Variants in GPC5 observed in about 807,000 individuals in gnomAD.
GPC5 encodes glypican 5.
In GPC5, 47 loss-of-function variants were observed where a neutral mutation model predicts 53.9. The observed-to-expected ratio is 0.87, with a 90% CI of 0.69 to 1.11. The LOEUF (loss-of-function observed/expected upper bound fraction) is 1.11, where lower values mean the gene tolerates loss of function less well. Among genes scored for constraint, GPC5 ranks in the 50% most tolerant of loss-of-function variants. GPC5 has a pLI of 0.00. For missense variants in GPC5, 748 were observed against 713.1 expected (o/e 1.05, Z -0.56); for synonymous variants, 286 against 263.3 (o/e 1.09, Z -0.84).
At chr13:92,591,972 G>T (rs1288541609) in intron 7 of GPC5, among the ~76,000 whole-genome samples, 1 of 152,152 alleles carries the variant, frequency 6.6e-6, no homozygotes, top group Non-Finnish European at 1.5e-5. Flanking sequence ...CCAGCTGAGG[G>T]TCACTTTTCC....
intron 7 of GPC5, among the ~76,000 whole-genome samples, chr13:92,422,488 T>TCACACACACACACACACA (rs6145177): frequency 7.5e-6 from 1 of 133,314 alleles, no homozygotes; most frequent in Non-Finnish European, 1.6e-5. Context: ...CATCACCATC[T>TCACACACACACACACACA]CACACACACA....
At chr13:92,699,786 T>C (rs1887670740) in intron 7 of GPC5, among the ~76,000 whole-genome samples, 1 of 152,208 alleles carries the variant, frequency 6.6e-6, no homozygotes. Context: ...CACTGTGGTC[T>C]GATAGACAGT....
intron 6 of GPC5, among the ~76,000 whole-genome samples, chr13:92,113,282 C>T (rs886790373): frequency 6.6e-6 from 1 of 152,064 alleles, no homozygotes; most frequent in Non-Finnish European, 1.5e-5. Flanking sequence ...GTGTTATCTA[C>T]CATCAAGGTT....
chr13:92,076,282 G>A (rs1294767415), intron 6 of GPC5, among the ~76,000 whole-genome samples: 25 of 151,874 alleles, frequency 1.6e-4, no homozygotes, highest in South Asian at 6.2e-4. Context: ...GGGTTTCACC[G>A]TGTTAGCCAG....
At chr13:91,512,267 A>G (rs1885270840) in intron 2 of GPC5, among the ~76,000 whole-genome samples, 1 of 152,194 alleles carries the variant, frequency 6.6e-6, no homozygotes, top group Non-Finnish European at 1.5e-5. Context: ...TATTTGGAGA[A>G]CTTGGAAGTT....
At chr13:91,548,057 A>G (rs919119232) in intron 2 of GPC5, among the ~76,000 whole-genome samples, 4 of 152,162 alleles carry the variant, frequency 2.6e-5, no homozygotes, top group Non-Finnish European at 4.4e-5. Context: ...GATCAGGAGC[A>G]AAGCAATTAT....
chr13:92,406,516 T>C (rs1173756480), intron 7 of GPC5, among the ~76,000 whole-genome samples: 1 of 152,178 alleles, frequency 6.6e-6, no homozygotes, highest in Admixed American at 6.5e-5. Context: ...TTCATGAAGA[T>C]TTTTCTGTAC....
intron 2 of GPC5, among the ~76,000 whole-genome samples, chr13:91,626,530 G>A (rs1453292266): frequency 6.6e-6 from 1 of 152,082 alleles, no homozygotes; most frequent in Non-Finnish European, 1.5e-5. Context: ...TATATTATGG[G>A]AGCCCCATGT....
At chr13:92,331,386 T>A (rs984431802) in intron 7 of GPC5, among the ~76,000 whole-genome samples, 1 of 152,178 alleles carries the variant, frequency 6.6e-6, no homozygotes, top group Non-Finnish European at 1.5e-5. Flanking sequence ...TCTGGATCCT[T>A]TGTCACATAA....
At chr13:91,520,656 A>ATG (rs1306963674) in intron 2 of GPC5, among the ~76,000 whole-genome samples, 2 of 152,006 alleles carry the variant, frequency 1.3e-5, no homozygotes, top group East Asian at 1.9e-4. Flanking sequence ...ATATATATAT[A>ATG]TGTGTGGGTA....
At chr13:92,083,353 T>C (rs2041311414) in intron 6 of GPC5, among the ~76,000 whole-genome samples, 2 of 151,964 alleles carry the variant, frequency 1.3e-5, no homozygotes, top group Admixed American at 6.6e-5. Context: ...GGGGGAGTGG[T>C]AGGTAAAGAT....
intron 4 of GPC5, among the ~76,000 whole-genome samples, chr13:91,739,321 T>C (rs1385492906): frequency 6.6e-6 from 1 of 151,394 alleles, no homozygotes; most frequent in Non-Finnish European, 1.5e-5. Flanking sequence ...GTGTTCCAAC[T>C]CATAGCTGCT....
At chr13:91,626,794 T>C (rs2034014996) in intron 2 of GPC5, among the ~76,000 whole-genome samples, 1 of 152,080 alleles carries the variant, frequency 6.6e-6, no homozygotes, top group South Asian at 2.1e-4. Context: ...ACATTAGGTA[T>C]ATCTCCTAAT....
chr13:91,950,558 C>A (rs1247301428), intron 6 of GPC5, among the ~76,000 whole-genome samples: 2 of 152,074 alleles, frequency 1.3e-5, no homozygotes, highest in Admixed American at 1.3e-4. Flanking sequence ...TTGGACATAT[C>A]CCTAATATTT....
intron 6 of GPC5, among the ~76,000 whole-genome samples, chr13:92,038,564 A>G (rs1004875594): frequency 2.0e-5 from 3 of 149,928 alleles, no homozygotes; most frequent in Non-Finnish European, 3.0e-5. Context: ...TATACTATAT[A>G]TATTCATTAC....
chr13:91,673,998 A>C (rs1386725962), intron 2 of GPC5, among the ~76,000 whole-genome samples: 3 of 152,198 alleles, frequency 2.0e-5, no homozygotes, highest in Non-Finnish European at 2.9e-5. Flanking sequence ...TCCCAGACTA[A>C]TATTTCTTTG....
intron 2 of GPC5, among the ~76,000 whole-genome samples, chr13:91,560,302 G>A (rs915504429): frequency 3.3e-5 from 5 of 152,128 alleles, no homozygotes; most frequent in Admixed American, 6.6e-5. Context: ...AAATACATTG[G>A]TGAGGATAGT....
chr13:91,616,432 G>C (rs908128773), intron 2 of GPC5, among the ~76,000 whole-genome samples: 1 of 151,984 alleles, frequency 6.6e-6, no homozygotes, highest in African/African-American at 2.4e-5. Context: ...GATGAACTAT[G>C]GCATAACCTC....
intron 6 of GPC5, among the ~76,000 whole-genome samples, chr13:91,916,553 A>G (rs188790908): frequency 6.6e-6 from 1 of 152,348 alleles, no homozygotes; most frequent in African/African-American, 2.4e-5. Flanking sequence ...ATAGCATATT[A>G]TATGACTGCA....
Sources: gnomAD v4.1 joint callset for allele counts (sites outside exome capture counted in the v4.1 genomes callset) on GRCh38, gnomAD v4.1.1 for gene constraint, MANE v1.5 for transcripts, NCBI Gene and HGNC (gene_info 2026-07-23, HGNC 2026-07-21) for gene names.